Variants in RNF111 observed in about 807,000 individuals in gnomAD.
RNF111 encodes ring finger protein 111.
RNF111 carries 17 observed loss-of-function variants against 95.1 expected under a neutral mutation model. The ratio of observed to expected loss-of-function variants is 0.18; its 90% confidence interval spans 0.12 to 0.27. The LOEUF (loss-of-function observed/expected upper bound fraction) is 0.27. Ranked by LOEUF, RNF111 falls within the 10% of genes least tolerant of loss-of-function variation. The pLI is 1.00. For synonymous variants in RNF111, 440 were observed against 414.8 expected, an observed-to-expected ratio of 1.06 and a Z score of -0.74; for missense variants, 1,189 against 1,210.4, an observed-to-expected ratio of 0.98 and a Z score of 0.26.
Position 59,097,255 on chromosome 15 carries a change from T to G in RNF111, c.*2355T>G, listed in dbSNP as rs2079187675. On this transcript the variant is annotated 3_prime_UTR_variant, in exon 14 of 14. Transcript: ENST00000348370. ...GGTAGCTGTCCAAATACATAAAAAC[T>G]AAAATTCTTTTGTTAGCAAGTCCTT... is the stretch of plus-strand genomic sequence containing the variant. The G allele has an allele frequency of 6.6e-6, 1 of 152,256 alleles. No individual in the cohort carries two copies. Among genetic ancestry groups the G allele is most frequent in the Non-Finnish European group, 1.5e-5 (1 of 68,040 alleles). The allele number at this position is 152,256 out of a possible 1,614,324, so 9.4% of individuals were successfully genotyped here. A position where few individuals can be genotyped will look rare whatever the true frequency, so the allele number is the denominator to read the frequency against.
At chr15:59,021,558 T>G (rs2040344543) in intron 1 of RNF111, among the ~76,000 whole-genome samples, 1 of 152,202 alleles carries the variant, frequency 6.6e-6, no homozygotes, top group Non-Finnish European at 1.5e-5. Context: ...TAATTAATAA[T>G]AACAGCCACT....
intron 6 of RNF111, among the ~76,000 whole-genome samples, chr15:59,070,817 A>G (rs1327309266): frequency 3.3e-5 from 5 of 152,192 alleles, no homozygotes; most frequent in African/African-American, 1.2e-4. Flanking sequence ...TCCTCTCGGG[A>G]CTGTTGGGTG....
At chr15:59,041,959 A>ATTT (rs775444330) in intron 2 of RNF111, among the ~76,000 whole-genome samples, 1,245 of 108,116 alleles carry the variant, frequency 0.012, 9 homozygotes, top group Non-Finnish European at 0.017. Flanking sequence ...CAGTCTGTTC[A>ATTT]TATTTTTTTT....
At chr15:59,061,777 T>C (rs1204424700) in intron 5 of RNF111, among the ~76,000 whole-genome samples, 25 of 152,362 alleles carry the variant, frequency 1.6e-4, no homozygotes, top group African/African-American at 6.0e-4. Context: ...TACATGCACA[T>C]GTACACTTGT....
intron 2 of RNF111, among the ~76,000 whole-genome samples, chr15:59,039,090 G>C (rs944632182): frequency 6.6e-6 from 1 of 151,976 alleles, no homozygotes; most frequent in Non-Finnish European, 1.5e-5. Flanking sequence ...TCTGCCTCCC[G>C]AGTAGCTGGG....
intron 13 of RNF111, among the ~76,000 whole-genome samples, chr15:59,092,939 G>A (rs537179826): frequency 6.6e-6 from 1 of 152,338 alleles, no homozygotes; most frequent in South Asian, 2.1e-4. Context: ...GTTTGAGACT[G>A]CAGTGAGCTT....
intron 6 of RNF111, among the ~76,000 whole-genome samples, chr15:59,072,436 G>A (rs916187786): frequency 4.0e-5 from 6 of 148,760 alleles, no homozygotes; most frequent in Non-Finnish European, 8.9e-5. Flanking sequence ...TAAATCTTTC[G>A]CTGTCATTTC....
At chr15:59,054,419 C>T (rs1339985406) in intron 3 of RNF111, among the ~76,000 whole-genome samples, 2 of 152,034 alleles carry the variant, frequency 1.3e-5, no homozygotes, top group Admixed American at 6.6e-5. Flanking sequence ...CAAAGTGGAC[C>T]TATAACTTCC....
intron 1 of RNF111, among the ~76,000 whole-genome samples, chr15:58,997,919 T>G (rs1236457585): frequency 6.6e-6 from 1 of 152,060 alleles, no homozygotes; most frequent in South Asian, 2.1e-4. Flanking sequence ...TTTTTGTTTT[T>G]TTTGAAGCTG....
At chr15:58,994,764 TGGC>T (rs2038978071) in intron 1 of RNF111, among the ~76,000 whole-genome samples, 1 of 152,144 alleles carries the variant, frequency 6.6e-6, no homozygotes, top group Admixed American at 6.6e-5. Context: ...CCTTTGCGCC[TGGC>T]CCCTTATTCT....
intron 1 of RNF111, among the ~76,000 whole-genome samples, chr15:59,024,437 A>C (rs2040500909): frequency 6.9e-6 from 1 of 144,742 alleles, no homozygotes; most frequent in Non-Finnish European, 1.5e-5. Flanking sequence ...CGCTTTGTGT[A>C]ATAAATAGGC....
At chr15:59,075,049 G>A (rs1302712539) in intron 6 of RNF111, among the ~76,000 whole-genome samples, 1 of 152,062 alleles carries the variant, frequency 6.6e-6, no homozygotes, top group African/African-American at 2.4e-5. Context: ...CACAGTTCTT[G>A]GTGCCTAAAG....
At chr15:59,037,793 G>A (rs1042758805) in intron 2 of RNF111, among the ~76,000 whole-genome samples, 1 of 152,152 alleles carries the variant, frequency 6.6e-6, no homozygotes, top group South Asian at 2.1e-4. Context: ...CCGAGATCAC[G>A]CCATTGCACT....
chr15:59,090,917 T>G (rs2079035581), intron 11 of RNF111, 142 bp from the exon 12 acceptor site: 1 of 515,822 alleles, frequency 1.9e-6, no homozygotes, highest in African/African-American at 1.9e-5. Context: ...AGTAACCACT[T>G]GTCATGTGTA....
At chr15:59,077,686 GTTGAGTTTATGT>G (rs1470662540) in intron 7 of RNF111, among the ~76,000 whole-genome samples, 1 of 152,116 alleles carries the variant, frequency 6.6e-6, no homozygotes, top group Non-Finnish European at 1.5e-5. Context: ...GTTGTTTATG[GTTGAGTTTATGT>G]ATAGTTTAAC....
chr15:58,993,382 A>G (rs756247246), intron 1 of RNF111, among the ~76,000 whole-genome samples: 5 of 151,498 alleles, frequency 3.3e-5, no homozygotes, highest in Non-Finnish European at 5.9e-5. Flanking sequence ...AACTGTAAAT[A>G]CAAAAATTAG....
At chr15:59,031,935 C>T (rs1298935043) in intron 2 of RNF111, among the ~76,000 whole-genome samples, 1 of 151,524 alleles carries the variant, frequency 6.6e-6, no homozygotes, top group Non-Finnish European at 1.5e-5. Context: ...GGAGAATAAC[C>T]CTTCATTACT....
chr15:58,988,945 T>C (rs2038688322), intron 1 of RNF111, among the ~76,000 whole-genome samples: 2 of 152,136 alleles, frequency 1.3e-5, no homozygotes, highest in Admixed American at 1.3e-4. Context: ...CTAAACTTTA[T>C]TTCATTTGGT....
At chr15:59,056,738 GT>G (rs1335825876) in intron 4 of RNF111, among the ~76,000 whole-genome samples, 4 of 152,076 alleles carry the variant, frequency 2.6e-5, no homozygotes, top group African/African-American at 9.7e-5. Flanking sequence ...CAATCTCTTG[GT>G]TTTTGTTTTG....
Sources: allele counts gnomAD v4.1 joint callset (sites outside exome capture counted in the v4.1 genomes callset), GRCh38; gene constraint gnomAD v4.1.1; transcripts MANE v1.5; gene names NCBI Gene and HGNC (gene_info 2026-07-23, HGNC 2026-07-21).